The following NOTCH3 variants were observed in gnomAD, a reference collection of about 807,000 sequenced individuals.
NOTCH3 encodes notch receptor 3.
A neutral mutation model predicts 213.3 loss-of-function variants in NOTCH3; 86 were observed. The ratio of observed to expected loss-of-function variants is 0.40; its 90% confidence interval spans 0.34 to 0.48. The LOEUF (loss-of-function observed/expected upper bound fraction) is 0.48. Ranked by LOEUF, NOTCH3 falls within the 20% of genes least tolerant of loss-of-function variation. The pLI, the probability that NOTCH3 is intolerant of heterozygous loss-of-function variation, is 0.57. For missense variants in NOTCH3, 2,783 were observed against 3,272.6 expected, an observed-to-expected ratio of 0.85 and a Z score of 3.65; for synonymous variants, 1,354 against 1,355.9, an observed-to-expected ratio of 1.00 and a Z score of 0.03.
At chr19:15,179,591 G>A (rs1322077666) in intron 20 of NOTCH3, 95 bp from the exon 21 acceptor site, 5 of 1,387,738 alleles carry the variant, frequency 3.6e-6, no homozygotes, top group Non-Finnish European at 5.0e-6. Context: ...AGCACAAAAG[G>A]ACACACACAG....
chr19:15,161,813 C>G, intron 32 of NOTCH3, 99 bp from the exon 33 acceptor site: 1 of 1,051,436 alleles, frequency 9.5e-7, no homozygotes. Context: ...AGTTTGTACA[C>G]TGGAGCTTGA....
chr19:15,189,231 C>T (rs2046908912), intron 7 of NOTCH3, 42 bp downstream of exon 7: 1 of 1,613,734 alleles, frequency 6.2e-7, no homozygotes, highest in Non-Finnish European at 8.5e-7. Flanking sequence ...CCTCCTCTCC[C>T]CTCTTTCCCA....
In NOTCH3 at chr19:15,181,762, C is replaced by G. The variant is rs754000733; in HGVS notation, c.2606G>C (p.Gly869Ala). The G allele has an allele frequency of 1.8e-5, 29 of 1,569,624 alleles. No individual in the cohort carries two copies. The highest frequency in any genetic ancestry group is 2.3e-5 in the Non-Finnish European group (27 of 1,156,970). Residue 869 changes from glycine to alanine, a missense_variant, in exon 17 of 33, where the codon GGC becomes GCC. Coordinates refer to ENST00000263388, the MANE Select transcript of NOTCH3 (RefSeq NM_000435.3). ...AGGGAGGCAGGAGCAGGAAAAGGAGCCCACGCCGTCTTGGCACGAGCCACC... is the reference window on the plus strand; with the variant it reads ...AGGGAGGCAGGAGCAGGAAAAGGAGGCCACGCCGTCTTGGCACGAGCCACC... ...LNGGSCQDGVGSFSCSCLPGF... is the reference protein window; with the variant it reads ...LNGGSCQDGVASFSCSCLPGF...
At chr19:15,169,143 T>C (rs2145397381) in intron 28 of NOTCH3, among the ~76,000 whole-genome samples, 1 of 151,724 alleles carries the variant, frequency 6.6e-6, no homozygotes, top group East Asian at 2.0e-4. Context: ...CCTAATCCAA[T>C]AGGATTGGTA....
Position 15,184,405 on chromosome 19 carries a change from G to T in NOTCH3, c.2456C>A (p.Pro819His), listed in dbSNP as rs2145427778. Residue 819 changes from proline (P) to histidine (H), a missense_variant, in exon 16 of 33, where the codon CCC (proline) becomes CAC (histidine). Coordinates refer to ENST00000263388, the MANE Select transcript of NOTCH3 (RefSeq NM_000435.3). ...GGTGCAGATACCATGAGGGCCACAG[G>T]GTGCGGGGCCAGCACACTCGTCCAC... ...QDVDECAGPA[P>H]CGPHGICTNL... 2 of 1,613,888 alleles carry T rather than the reference G, an allele frequency of 1.2e-6. No homozygotes were observed. The highest frequency in any genetic ancestry group is 1.7e-6 in the Non-Finnish European group (2 of 1,179,924).
rs2145416875 is a variant in NOTCH3, at chr19:15,178,862, A to T, written c.3798T>A (p.Gly1266=). The T allele has an allele frequency of 6.2e-7, 1 of 1,606,256 alleles. No individual in the cohort carries two copies. The highest frequency in any genetic ancestry group is 2.2e-5 in the East Asian group (1 of 44,652). ...AGGTGAAGGTCAGCCCACCCCCAGG[A>T]CCCGGGCTAGGACGGCACTGGCCTC... ...QHGGQCRPSP[G]PGGGLTFTCH... Residue 1266 remains glycine, a synonymous_variant, in exon 23 of 33, where the codon GGT becomes GGA. Transcript: ENST00000263388.
chr19:15,170,055 G>A (rs1408095193), intron 28 of NOTCH3, 31 bp downstream of exon 28: 3 of 1,337,778 alleles, frequency 2.2e-6, no homozygotes, highest in Non-Finnish European at 3.2e-6. Flanking sequence ...GGGGTCAGAG[G>A]AGGGGGCAAA....
In NOTCH3 at chr19:15,165,325, G is replaced by A; in HGVS notation, c.5815+43C>T. ...CACCAACATGACCCTCAGGGCCCAG[G>A]TGACACCAACCCAGCTTAGACTTGA... On this transcript the variant is annotated intron_variant, in intron 31 of 32. Coordinates refer to ENST00000263388, the MANE Select transcript of NOTCH3 (RefSeq NM_000435.3). This position sits in a 1 kb window ranked among gnomAD's most constrained non-coding sequence, Gnocchi z 4.7. 2 of 1,594,576 alleles carry A rather than the reference G, an allele frequency of 1.3e-6. No individual in the cohort carries two copies. Among genetic ancestry groups the A allele is most frequent in the South Asian group, 2.2e-5 (2 of 90,934 alleles).
intron 28 of NOTCH3, among the ~76,000 whole-genome samples, chr19:15,168,562 G>A (rs1037099061): frequency 5.3e-5 from 8 of 152,056 alleles, no homozygotes; most frequent in Non-Finnish European, 7.4e-5. Flanking sequence ...GGCCGGGCAC[G>A]GTGGCTCACG....
chr19:15,164,192 T>C (rs549366966), intron 31 of NOTCH3, among the ~76,000 whole-genome samples: 1 of 151,516 alleles, frequency 6.6e-6, no homozygotes, highest in Admixed American at 6.6e-5. Flanking sequence ...GGGTGAATTG[T>C]ATGGCATGTT....
chr19:15,174,430 C>A (rs1305815443), intron 24 of NOTCH3, 30 bp from the exon 25 acceptor site: 5 of 1,478,076 alleles, frequency 3.4e-6, no homozygotes, highest in Non-Finnish European at 3.6e-6. Context: ...CAGAGAGGGG[C>A]GGAGTCAGGG....
chr19:15,197,553 C>CCTCCATTT lies in NOTCH3; in HGVS notation c.143_144insAAATGGAG (p.Cys49AsnfsTer190). ...GGGTGCAACGACCTCCATTTGCACACGGGCTTCCGTCCAGGCAAGGGGGGG... is the reference window on the plus strand; with the variant it reads ...GGGTGCAACGACCTCCATTTGCACACCTCCATTTGGGCTTCCGTCCAGGCAAGGGGGGG... On this transcript the variant is annotated frameshift_variant, in exon 2 of 33. Coordinates refer to ENST00000263388, the MANE Select transcript of NOTCH3 (RefSeq NM_000435.3). LOFTEE classifies it high-confidence loss of function. 6.2e-7 allele frequency: 1 copy of CCTCCATTT among 1,611,342 alleles called. No individual in the cohort carries two copies. Among genetic ancestry groups the CCTCCATTT allele is most frequent in the East Asian group, 2.2e-5 (1 of 44,842 alleles).
Position 15,187,965 on chromosome 19 carries a change from C to T in NOTCH3, c.1522G>A (p.Val508Met), listed in dbSNP as rs755398328. The change falls in exon 10 of 33, where the codon GTG becomes ATG. Residue 508 changes from valine to methionine, a missense_variant. Physicochemically the swap from Val to Met is conservative, Grantham distance 21 (BLOSUM62 1). Transcript: ENST00000263388. ...CAGGGCGTGCTGGCGCATTCGTCCA[C>T]GTCCAGCTGACACGTGGAGCCGCTG... ...GFSGSTCQLD[V>M]DECASTPCRN... The T allele has an allele frequency of 6.6e-5, 102 of 1,550,832 alleles. No individual in the cohort carries two copies. The highest frequency in any genetic ancestry group is 8.3e-5 in the Non-Finnish European group (95 of 1,146,996).
intron 24 of NOTCH3, 28 bp downstream of exon 24, chr19:15,177,497 G>A (rs761439651): frequency 4.4e-6 from 7 of 1,593,700 alleles, no homozygotes; most frequent in Admixed American, 3.5e-5. Flanking sequence ...TGCATAGACA[G>A]ACGGATCGAT....
In NOTCH3 at chr19:15,165,017, T is replaced by C. The variant is rs149069447; in HGVS notation, c.5815+351A>G. Among the ~76,000 whole-genome samples the C allele has an allele frequency of 6.6e-6, 1 of 152,266 alleles. No individual in the cohort carries two copies. The highest frequency in any genetic ancestry group is 2.1e-4 in the South Asian group (1 of 4,816). On this transcript the variant is annotated intron_variant, in intron 31 of 32. Coordinates refer to ENST00000263388, the MANE Select transcript of NOTCH3 (RefSeq NM_000435.3). This position sits in a 1 kb window ranked among gnomAD's most constrained non-coding sequence, Gnocchi z 4.7. ...GTCTCAAACTCCTGGCCTCAAGTCA[T>C]CCTCCTGCCTCAGCCTCCCAAAGTG...
At position 15,161,263 on chromosome 19, in the gene NOTCH3, G is replaced by C. The variant is rs898965096; in HGVS notation, c.6365C>G (p.Pro2122Arg). Reference sequence around the variant, plus strand: ...GGCAGCTGCATAGGGCCCCTCAAGGGGGAAGCCACCAGGGGAAGCAGGGGG... The same window carrying C: ...GGCAGCTGCATAGGGCCCCTCAAGGCGGAAGCCACCAGGGGAAGCAGGGGG... The part of the protein sequence containing the change: ...GGPPASPGGF[P>R]LEGPYAAATA... The change falls in exon 33 of 33, where the codon CCC becomes CGC. Residue 2122 changes from proline (P) to arginine (R), a missense_variant. Transcript: ENST00000263388. 1.3e-6 allele frequency: 2 copies of C among 1,545,540 alleles called. No individual in the cohort carries two copies. Among genetic ancestry groups the C allele is most frequent in the Admixed American group, 2.0e-5 (1 of 50,516 alleles).
Position 15,165,170 on chromosome 19 carries a change from G to C in NOTCH3, c.5815+198C>G, listed in dbSNP as rs547254214. ...TGGAAATGAAGTATCTAGGGGAAAG[G>C]CACCTTTTTCTAAATCCCTGAGGCA... On this transcript the variant is annotated intron_variant, in intron 31 of 32. Transcript: ENST00000263388. The surrounding 1 kb of genome is among the most constrained non-coding windows in gnomAD (Gnocchi z 4.7). 5.3e-5 allele frequency among the ~76,000 whole-genome samples: 8 copies of C among 152,222 alleles called. No homozygotes were observed. Among genetic ancestry groups the C allele is most frequent in the South Asian group, 4.1e-4 (2 of 4,820 alleles).
rs1446718967 is a variant in NOTCH3, at chr19:15,165,911, C to T, written c.5543G>A (p.Arg1848His). Residue 1848 changes from arginine to histidine, a missense_variant, in exon 30 of 33, where the codon CGT (arginine) becomes CAT (histidine). Arg to His is a conservative substitution (Grantham distance 29). Around this residue, in one of 6 missense-constraint regions of NOTCH3, gnomAD observed 636 missense variants for 801.8 expected, o/e 0.79. Coordinates refer to ENST00000263388, the MANE Select transcript of NOTCH3 (RefSeq NM_000435.3). This position sits in a 1 kb window ranked among gnomAD's most constrained non-coding sequence, Gnocchi z 4.7. ...TGETALHLAARYARADAAKRL... is the reference protein window; with the variant it reads ...TGETALHLAAHYARADAAKRL... ...CTTGGCTGCATCAGCACGGGCATAA[C>T]GGGCAGCCAGGTGCAAAGCAGTCTC... 3.1e-6 allele frequency: 5 copies of T among 1,614,142 alleles called. No individual in the cohort carries two copies. Among genetic ancestry groups the T allele is most frequent in the Non-Finnish European group, 4.2e-6 (5 of 1,180,028 alleles).
intron 31 of NOTCH3, 89 bp from the exon 32 acceptor site, chr19:15,162,651 TA>T (rs1377867877): frequency 3.1e-6 from 3 of 968,324 alleles, no homozygotes; most frequent in Non-Finnish European, 4.9e-6. Flanking sequence ...GAATGTGGCC[TA>T]GGGGTAGAGG....
Sources: allele counts gnomAD v4.1 joint callset (sites outside exome capture counted in the v4.1 genomes callset), GRCh38; gene constraint gnomAD v4.1.1; regional missense constraint gnomAD v4.1.1; non-coding constraint Gnocchi (gnomAD v3.1); transcripts MANE v1.5; gene names NCBI Gene and HGNC (gene_info 2026-07-23, HGNC 2026-07-21).